ATRNL1: variants seen among roughly 807,000 people sequenced by gnomAD.
ATRNL1 encodes attractin-like protein 1.
In ATRNL1, 95 loss-of-function variants were observed where a neutral mutation model predicts 182.7. The ratio of observed to expected loss-of-function variants is 0.52; its 90% CI spans 0.44 to 0.62. ATRNL1 has a LOEUF of 0.62. Ranked by LOEUF, ATRNL1 falls within the 20% of genes least tolerant of loss-of-function variation. ATRNL1 has a pLI of 0.00. For missense variants in ATRNL1, 1,471 were observed against 1,679.5 expected (o/e 0.88, Z 2.17); for synonymous variants, 576 against 568.3 (o/e 1.01, Z -0.19).
intron 8 of ATRNL1, among the ~76,000 whole-genome samples, chr10:115,195,830 A>T (rs115028248): frequency 0.012 from 1,796 of 152,154 alleles, 34 homozygotes; most frequent in African/African-American, 0.04. Context: ...TTATTATTTT[A>T]AAAAATGTCT....
In ATRNL1 at chr10:115,224,958, T is replaced by G. The variant is rs797030200; in HGVS notation, c.1532+9078T>G. ...CCCAAATATTTAAGAAATAAGCATT[T>G]AAGAAATAAATAACATCAATCTTTC... On this transcript the variant is annotated intron_variant, in intron 9 of 28. Transcript: ENST00000355044. Among the ~76,000 whole-genome samples the G allele has an allele frequency of 3.3e-5, 5 of 152,226 alleles. 1 individual carries two copies. The highest frequency in any genetic ancestry group is 1.2e-4 in the African/African-American group (5 of 41,562).
intron 24 of ATRNL1, among the ~76,000 whole-genome samples, chr10:115,513,041 G>A (rs376875039): frequency 2.0e-5 from 3 of 151,930 alleles, no homozygotes; most frequent in East Asian, 1.9e-4. Flanking sequence ...ATTTTTTTGC[G>A]ATTTGTTTTT....
intron 8 of ATRNL1, among the ~76,000 whole-genome samples, chr10:115,203,745 ATTTTTT>A (rs71476116): frequency 9.4e-6 from 1 of 106,048 alleles, no homozygotes. Context: ...ATGCCTGGCT[ATTTTTT>A]TTTTTTTTTT....
chr10:115,707,400 A>G (rs1348627813), intron 26 of ATRNL1, among the ~76,000 whole-genome samples: 2 of 151,800 alleles, frequency 1.3e-5, no homozygotes, highest in African/African-American at 4.8e-5. Context: ...AGATGTGGAT[A>G]TCAATGATAT....
intron 5 of ATRNL1, among the ~76,000 whole-genome samples, chr10:115,154,325 T>G (rs1040280685): frequency 1.2e-4 from 19 of 152,134 alleles, no homozygotes; most frequent in African/African-American, 4.1e-4. Flanking sequence ...AAGTCTCCCA[T>G]TATTATTGTG....
intron 8 of ATRNL1, among the ~76,000 whole-genome samples, chr10:115,181,538 T>C (rs1554887815): frequency 6.6e-6 from 1 of 151,796 alleles, no homozygotes; most frequent in Non-Finnish European, 1.5e-5. Flanking sequence ...GATGGGTCTG[T>C]TGCATTCTTT....
chr10:115,432,238 C>A (rs1846205899), intron 21 of ATRNL1, among the ~76,000 whole-genome samples: 1 of 152,116 alleles, frequency 6.6e-6, no homozygotes, highest in Non-Finnish European at 1.5e-5. Flanking sequence ...ACAAAGTTTA[C>A]ATTCCATACT....
intron 18 of ATRNL1, among the ~76,000 whole-genome samples, chr10:115,325,505 C>A (rs143707059): frequency 1.6e-3 from 240 of 152,236 alleles, no homozygotes; most frequent in African/African-American, 5.4e-3. Flanking sequence ...TGACAATTAC[C>A]AGACTTTTTT....
intron 1 of ATRNL1, among the ~76,000 whole-genome samples, chr10:115,098,671 A>T (rs1307816993): frequency 6.6e-6 from 1 of 151,464 alleles, no homozygotes; most frequent in East Asian, 2.0e-4. Context: ...GTTAGCCAGG[A>T]TGGTCTCGAT....
At chr10:115,518,117 A>G (rs1198134167) in intron 24 of ATRNL1, among the ~76,000 whole-genome samples, 1 of 151,884 alleles carries the variant, frequency 6.6e-6, no homozygotes, top group African/African-American at 2.4e-5. Context: ...TTATTTTAGA[A>G]TGCCATTTAA....
chr10:115,738,140 T>G (rs1431073272), intron 27 of ATRNL1, among the ~76,000 whole-genome samples: 4 of 103,142 alleles, frequency 3.9e-5, no homozygotes, highest in Non-Finnish European at 8.2e-5. Context: ...TTTTTTTTTT[T>G]TTTTTTTTTT....
chr10:115,180,558 A>G (rs1334699348), intron 8 of ATRNL1, among the ~76,000 whole-genome samples: 1 of 151,942 alleles, frequency 6.6e-6, no homozygotes, highest in African/African-American at 2.4e-5. Flanking sequence ...AAACTATTGC[A>G]TTTTAAGAGA....
chr10:115,849,317 A>G (rs1203234308), intron 28 of ATRNL1, among the ~76,000 whole-genome samples: 1 of 152,290 alleles, frequency 6.6e-6, no homozygotes, highest in South Asian at 2.1e-4. Flanking sequence ...GTCAGATAAG[A>G]TGGATAATTA....
intron 26 of ATRNL1, among the ~76,000 whole-genome samples, chr10:115,654,818 C>T (rs1442676256): frequency 1.3e-5 from 2 of 152,150 alleles, no homozygotes; most frequent in Non-Finnish European, 2.9e-5. Flanking sequence ...GTCCCCTCCC[C>T]TTGAATCTGG....
chr10:115,218,721 C>A (rs1849326912), intron 9 of ATRNL1, among the ~76,000 whole-genome samples: 1 of 152,202 alleles, frequency 6.6e-6, no homozygotes, highest in Non-Finnish European at 1.5e-5. Context: ...TACCTGCCAA[C>A]TTGAATGCAG....
chr10:115,593,168 C>A (rs1334852890), intron 26 of ATRNL1, among the ~76,000 whole-genome samples: 1 of 152,158 alleles, frequency 6.6e-6, no homozygotes, highest in Non-Finnish European at 1.5e-5. Context: ...GGCTGAACTT[C>A]CTTTTATAAT....
chr10:115,300,146 A>AT lies in ATRNL1; in HGVS notation c.2530dup (p.Ser844PhefsTer18). On this transcript the variant is annotated frameshift_variant, in exon 16 of 29. Coordinates refer to ENST00000355044, the MANE Select transcript of ATRNL1 (RefSeq NM_207303.4). LOFTEE classifies it high-confidence loss of function. ...CAGTGGCTTCCTGGCGAACCCAATG[A>AT]TTCTGGGTTTTGTGCATATCTGGAA... 5 of 1,613,968 alleles carry AT rather than the reference A, an allele frequency of 3.1e-6. No individual in the cohort carries two copies. Among genetic ancestry groups the AT allele is most frequent in the Non-Finnish European group, 4.2e-6 (5 of 1,179,850 alleles).
Position 115,101,805 on chromosome 10 carries a change from G to A in ATRNL1, c.293+7762G>A, listed in dbSNP as rs73376323. Among the ~76,000 whole-genome samples the A allele has an allele frequency of 3.2e-3, 492 of 152,248 alleles. 7 individuals carry two copies. The highest frequency in any genetic ancestry group is 0.011 in the African/African-American group (457 of 41,556). On this transcript the variant is annotated intron_variant, in intron 1 of 28. Transcript: ENST00000355044. Reference sequence around the variant, plus strand: ...TTAGTGTTTGGTGGAATTCACCATCGACACCCTCTAGGCCTGAAGTTTTCT... The same window carrying A: ...TTAGTGTTTGGTGGAATTCACCATCAACACCCTCTAGGCCTGAAGTTTTCT...
At chr10:115,676,118 A>G (rs548946855) in intron 26 of ATRNL1, among the ~76,000 whole-genome samples, 1 of 152,222 alleles carries the variant, frequency 6.6e-6, no homozygotes, top group East Asian at 1.9e-4. Context: ...ATAGTTTCCT[A>G]AGGATAATTC....
Sources: gnomAD v4.1 joint callset for allele counts (sites outside exome capture counted in the v4.1 genomes callset) on GRCh38, gnomAD v4.1.1 for gene constraint, MANE v1.5 for transcripts, NCBI Gene and HGNC (gene_info 2026-07-23, HGNC 2026-07-21) for gene names.